SLC35D4: variants seen among roughly 807,000 people sequenced by gnomAD.
SLC35D4 encodes solute carrier family 35 member D4, also known as UDP-N-acetylglucosamine transporter SLC35D4.
chr18:23,353,821 A>C, the SLC35D4 span, among the ~76,000 whole-genome samples: 1 of 152,082 alleles, frequency 6.6e-6, no homozygotes, highest in South Asian at 2.1e-4. Context: ...CCTTAACCAA[A>C]TCCCCCTTCC....
chr18:23,404,437 G>A, the SLC35D4 span, among the ~76,000 whole-genome samples: 1 of 151,774 alleles, frequency 6.6e-6, no homozygotes, highest in South Asian at 2.1e-4. Flanking sequence ...CACTTTGGGA[G>A]GCCGAGGCAG....
At chr18:23,270,285 C>A in the SLC35D4 span, among the ~76,000 whole-genome samples, 2 of 152,238 alleles carry the variant, frequency 1.3e-5, no homozygotes, top group Admixed American at 1.3e-4. Context: ...GGCATTGGGT[C>A]TGCAGGTGCA....
chr18:23,274,906 GGAGTGTGTGCTTGC>G, the SLC35D4 span, among the ~76,000 whole-genome samples: 1 of 152,164 alleles, frequency 6.6e-6, no homozygotes, highest in Non-Finnish European at 1.5e-5. Context: ...TGTGAATGCG[GGAGTGTGTGCTTGC>G]GAGTGTGTGC....
the SLC35D4 span, among the ~76,000 whole-genome samples, chr18:23,318,137 G>T: frequency 1.3e-5 from 2 of 152,256 alleles, no homozygotes; most frequent in Non-Finnish European, 2.9e-5. Flanking sequence ...CATACTAGTG[G>T]GTGTGAAGGG....
the SLC35D4 span, among the ~76,000 whole-genome samples, chr18:23,248,930 G>A: frequency 1.3e-5 from 2 of 152,268 alleles, no homozygotes; most frequent in Non-Finnish European, 2.9e-5. Flanking sequence ...TGATCCACAA[G>A]CCACACTGTA....
the SLC35D4 span, among the ~76,000 whole-genome samples, chr18:23,395,113 C>G: frequency 6.6e-6 from 1 of 151,806 alleles, no homozygotes; most frequent in Non-Finnish European, 1.5e-5. Flanking sequence ...AAAAACTTAT[C>G]CTTGTAGTTG....
the SLC35D4 span, chr18:23,437,777 TC>T: frequency 6.2e-7 from 1 of 1,610,108 alleles, no homozygotes; most frequent in East Asian, 2.3e-5. Context: ...GCCCGCCCCC[TC>T]ACCTTGTTCG....
the SLC35D4 span, among the ~76,000 whole-genome samples, chr18:23,309,383 T>A: frequency 6.6e-6 from 1 of 151,478 alleles, no homozygotes; most frequent in Non-Finnish European, 1.5e-5. Context: ...GGTGGAGGAG[T>A]GAGGGTGATG....
chr18:23,297,973 A>G, the SLC35D4 span: 1 of 1,611,304 alleles, frequency 6.2e-7, no homozygotes, highest in Non-Finnish European at 8.5e-7. Context: ...GTTCTCCCGC[A>G]GCAGCCTGTG....
At chr18:23,361,712 C>T in the SLC35D4 span, among the ~76,000 whole-genome samples, 47 of 152,236 alleles carry the variant, frequency 3.1e-4, no homozygotes, top group South Asian at 5.0e-3. Context: ...CTGCAGGAGA[C>T]GGAAGGGAAG....
At chr18:23,310,943 T>C in the SLC35D4 span, among the ~76,000 whole-genome samples, 3 of 152,024 alleles carry the variant, frequency 2.0e-5, no homozygotes, top group East Asian at 3.9e-4. Context: ...TCAGGGGCAA[T>C]AAAGAAGTAG....
chr18:23,321,272 C>T, the SLC35D4 span, among the ~76,000 whole-genome samples: 1 of 152,074 alleles, frequency 6.6e-6, no homozygotes, highest in African/African-American at 2.4e-5. Flanking sequence ...TTATTTTTCC[C>T]CTAGTTGTTT....
the SLC35D4 span, among the ~76,000 whole-genome samples, chr18:23,320,630 CAG>C: frequency 6.6e-6 from 1 of 152,310 alleles, no homozygotes; most frequent in South Asian, 2.1e-4. Flanking sequence ...TTCCCTCTAA[CAG>C]GGTGATGAGC....
chr18:23,384,166 C>A, the SLC35D4 span, among the ~76,000 whole-genome samples: 1 of 152,066 alleles, frequency 6.6e-6, no homozygotes, highest in Non-Finnish European at 1.5e-5. Context: ...TGGCTTGTGC[C>A]TGTAGTCTCA....
chr18:23,375,192 T>C, the SLC35D4 span, among the ~76,000 whole-genome samples: 1 of 151,714 alleles, frequency 6.6e-6, no homozygotes, highest in Non-Finnish European at 1.5e-5. Context: ...AGTGGCAACA[T>C]TTGAACATGG....
chr18:23,247,871 C>T, the SLC35D4 span, among the ~76,000 whole-genome samples: 1 of 152,226 alleles, frequency 6.6e-6, no homozygotes. Context: ...CCACATATTC[C>T]CCACTTACGC....
the SLC35D4 span, among the ~76,000 whole-genome samples, chr18:23,280,585 T>C: frequency 6.6e-6 from 1 of 152,326 alleles, no homozygotes; most frequent in Non-Finnish European, 1.5e-5. Context: ...TCAAGATCTT[T>C]GGGGAGAAGA....
the SLC35D4 span, among the ~76,000 whole-genome samples, chr18:23,295,528 A>AAAC: frequency 6.6e-6 from 1 of 152,092 alleles, no homozygotes; most frequent in African/African-American, 2.4e-5. Context: ...AAACAAGACA[A>AAAC]AACAACAACA....
the SLC35D4 span, chr18:23,259,157 C>T: frequency 1.3e-5 from 2 of 152,252 alleles, no homozygotes; most frequent in African/African-American, 4.8e-5. Flanking sequence ...CCTTGGCCTT[C>T]CTCACATGGG....
Sources: allele counts gnomAD v4.1 joint callset (sites outside exome capture counted in the v4.1 genomes callset), GRCh38; gene constraint gnomAD v4.1.1; transcripts MANE v1.5; gene names NCBI Gene and HGNC (gene_info 2026-07-23, HGNC 2026-07-21).